The following ARMC2 variants were observed in gnomAD, a reference collection of about 807,000 sequenced individuals.
The protein encoded by ARMC2 is armadillo repeat containing 2, also known as armadillo repeat-containing protein 2.
ARMC2 carries 67 observed loss-of-function variants against 90.3 expected under a neutral mutation model. The observed-to-expected ratio is 0.74, with a 90% CI of 0.61 to 0.91. The LOEUF (loss-of-function observed/expected upper bound fraction) is 0.91. ARMC2 is among the 40% of genes least tolerant of loss of function. The pLI is 0.00. For synonymous variants in ARMC2, 393 were observed against 393.0 expected, an observed-to-expected ratio of 1.00 and a Z score of 0.00; for missense variants, 920 against 1,030.9, an observed-to-expected ratio of 0.89 and a Z score of 1.47.
chr6:109,050,388 T>TCA, the ARMC2 span, among the ~76,000 whole-genome samples: 1 of 134,066 alleles, frequency 7.5e-6, no homozygotes, highest in African/African-American at 2.7e-5. Context: ...TTTAAATTGT[T>TCA]AAAAAAAAAA....
chr6:109,001,470 C>T, the ARMC2 span: 2 of 1,613,062 alleles, frequency 1.2e-6, no homozygotes, highest in Admixed American at 1.7e-5. Context: ...TGTGCGTCTT[C>T]ACTCCCCACT....
At chr6:108,990,674 C>G in the ARMC2 span, 1 of 1,614,056 alleles carries the variant, frequency 6.2e-7, no homozygotes, top group Non-Finnish European at 8.5e-7. Flanking sequence ...GAATATAGTT[C>G]CAAATTGCCC....
the ARMC2 span, chr6:108,990,982 A>C: frequency 1.6e-6 from 1 of 638,732 alleles, no homozygotes; most frequent in Non-Finnish European, 2.6e-6. Context: ...CTTACACTCC[A>C]ATCTTTTTTT....
chr6:108,863,403 C>T (rs540992280), intron 3 of ARMC2, among the ~76,000 whole-genome samples: 1 of 152,244 alleles, frequency 6.6e-6, no homozygotes, highest in South Asian at 2.1e-4. Context: ...CTTTCATTAA[C>T]GTTTATATCT....
intron 3 of ARMC2, 74 bp from the exon 4 acceptor site, chr6:108,868,750 G>A (rs1776085418): frequency 7.0e-7 from 1 of 1,429,788 alleles, no homozygotes; most frequent in African/African-American, 1.4e-5. Context: ...TGGAAGGGTT[G>A]TGGCCAGCTC....
intron 5 of ARMC2, among the ~76,000 whole-genome samples, chr6:108,891,982 C>T (rs567126513): frequency 1.5e-4 from 23 of 152,294 alleles, no homozygotes; most frequent in Non-Finnish European, 2.9e-4. Flanking sequence ...ATAAGAAGGA[C>T]ACTTCATTTT....
the ARMC2 span, chr6:109,009,468 C>A: frequency 7.8e-7 from 1 of 1,274,270 alleles, no homozygotes. Flanking sequence ...CATGTCGGCG[C>A]GGGGACGGCT....
the ARMC2 span, among the ~76,000 whole-genome samples, chr6:109,036,684 C>T: frequency 1.3e-5 from 2 of 152,098 alleles, no homozygotes; most frequent in African/African-American, 4.8e-5. Flanking sequence ...TTCCTGTTAA[C>T]TTTCAGACAA....
At chr6:108,928,007 G>A in intron 10 of ARMC2, 81 bp from the exon 11 acceptor site, 1 of 1,299,564 alleles carries the variant, frequency 7.7e-7, no homozygotes, top group Non-Finnish European at 1.0e-6. Context: ...GGAAATTTAT[G>A]AAATGAATTG....
chr6:108,885,165 G>A (rs895472675), intron 5 of ARMC2, among the ~76,000 whole-genome samples: 5 of 151,860 alleles, frequency 3.3e-5, no homozygotes, highest in African/African-American at 4.8e-5. Context: ...ATATCTAATC[G>A]TGTATATATA....
Position 108,858,994 on chromosome 6 carries a change from T to C in ARMC2, c.291+723T>C, listed in dbSNP as rs530656431. Among the ~76,000 whole-genome samples the C allele has an allele frequency of 4.6e-5, 7 of 152,354 alleles. No individual in the cohort carries two copies. In the South Asian group the frequency reaches 1.4e-3, roughly 32 times the overall value. ...CCCCACTATTACTCCCATATAGATA[T>C]AACTTTGGTTAGATCTGTTTTCTCT... On this transcript the variant is annotated intron_variant, in intron 3 of 17. Transcript: ENST00000392644.
the ARMC2 span, chr6:108,987,577 A>G: frequency 1.2e-5 from 19 of 1,606,356 alleles, no homozygotes; most frequent in Non-Finnish European, 1.5e-5. Context: ...CTCTCAGAGC[A>G]TAAAGGAGTT....
intron 12 of ARMC2, 52 bp from the exon 13 acceptor site, chr6:108,952,981 G>A (rs893211345): frequency 6.9e-6 from 10 of 1,459,672 alleles, no homozygotes; most frequent in South Asian, 1.3e-5. Flanking sequence ...TCTTCCCCAC[G>A]ATGTGTTCCA....
At chr6:108,994,668 C>A in the ARMC2 span, 107 of 671,370 alleles carry the variant, frequency 1.6e-4, no homozygotes, top group Non-Finnish European at 2.3e-4. Flanking sequence ...TATGAATTAT[C>A]TTTTAAGTCT....
the ARMC2 span, among the ~76,000 whole-genome samples, chr6:109,046,896 C>T: frequency 1.6e-4 from 20 of 123,474 alleles, no homozygotes; most frequent in East Asian, 1.9e-3. Context: ...GCAGCTGCCC[C>T]GTCTGAGAAG....
chr6:108,920,550 TCTC>T (rs755203841), intron 10 of ARMC2, among the ~76,000 whole-genome samples: 5 of 152,086 alleles, frequency 3.3e-5, no homozygotes, highest in African/African-American at 4.8e-5. Flanking sequence ...CAACTCATGT[TCTC>T]CTCCAATTTT....
At chr6:108,872,515 G>A (rs1486920634) in intron 4 of ARMC2, among the ~76,000 whole-genome samples, 5 of 152,082 alleles carry the variant, frequency 3.3e-5, no homozygotes, top group East Asian at 3.9e-4. Flanking sequence ...TTAAACCACC[G>A]TCTGCTCACT....
chr6:108,849,953 T>G (rs1034852614), intron 1 of ARMC2, among the ~76,000 whole-genome samples: 1 of 152,216 alleles, frequency 6.6e-6, no homozygotes, highest in African/African-American at 2.4e-5. Flanking sequence ...GATTCAGAGT[T>G]ATGGAAGGGT....
chr6:109,015,097 G>A, the ARMC2 span, among the ~76,000 whole-genome samples: 1 of 152,088 alleles, frequency 6.6e-6, no homozygotes, highest in East Asian at 1.9e-4. Context: ...TTAACTGAAA[G>A]CCTAATAATG....
Sources: allele counts gnomAD v4.1 joint callset (sites outside exome capture counted in the v4.1 genomes callset), GRCh38; gene constraint gnomAD v4.1.1; transcripts MANE v1.5; gene names NCBI Gene and HGNC (gene_info 2026-07-23, HGNC 2026-07-21).